Variants in ELMO1 observed in about 807,000 individuals in gnomAD.
ELMO1 encodes engulfment and cell motility protein 1.
In ELMO1, 26 loss-of-function variants were observed where a neutral mutation model predicts 98.9. The observed-to-expected ratio is 0.26, with a 90% CI of 0.19 to 0.36. ELMO1 has a LOEUF of 0.36. Ranked by LOEUF, ELMO1 falls within the 10% of genes least tolerant of loss-of-function variation. ELMO1 has a pLI of 1.00. For missense variants in ELMO1, 627 were observed against 935.2 expected, an observed-to-expected ratio of 0.67 and a Z score of 4.30; for synonymous variants, 346 against 346.0, an observed-to-expected ratio of 1.00 and a Z score of 0.00.
chr7:36,867,942 A>C (rs1270587003), intron 20 of ELMO1, among the ~76,000 whole-genome samples: 1 of 152,062 alleles, frequency 6.6e-6, no homozygotes, highest in Non-Finnish European at 1.5e-5. Context: ...TATCTTGGTG[A>C]ATGTTTCCTT....
intron 1 of ELMO1, among the ~76,000 whole-genome samples, chr7:37,344,143 C>T (rs964325105): frequency 4.0e-5 from 6 of 149,788 alleles, no homozygotes; most frequent in African/African-American, 1.5e-4. Flanking sequence ...GCGATTCTCC[C>T]GTCTCAGCTT....
At chr7:36,876,260 G>A (rs975948871) in intron 19 of ELMO1, among the ~76,000 whole-genome samples, 2 of 151,992 alleles carry the variant, frequency 1.3e-5, no homozygotes, top group South Asian at 2.1e-4. Flanking sequence ...TTTTCAGAGG[G>A]CTAATTTAGT....
intron 16 of ELMO1, among the ~76,000 whole-genome samples, chr7:36,950,894 C>T (rs892980681): frequency 3.9e-5 from 6 of 152,250 alleles, no homozygotes; most frequent in Non-Finnish European, 5.9e-5. Flanking sequence ...GCCGAGAGGG[C>T]GTGTCTGCTT....
chr7:36,938,396 A>G (rs184857705), intron 16 of ELMO1, among the ~76,000 whole-genome samples: 3 of 152,384 alleles, frequency 2.0e-5, no homozygotes, highest in Admixed American at 2.0e-4. Context: ...GATTGTACTT[A>G]GATAACTTCA....
intron 1 of ELMO1, among the ~76,000 whole-genome samples, chr7:37,442,985 T>C (rs911096539): frequency 6.6e-6 from 1 of 152,210 alleles, no homozygotes; most frequent in Non-Finnish European, 1.5e-5. Context: ...GCTTGTGACA[T>C]TTCATTCCTC....
In ELMO1 at chr7:36,853,758, T is replaced by TG. The variant is rs1259579321; in HGVS notation, c.*1792dup. On this transcript the variant is annotated 3_prime_UTR_variant, in exon 22 of 22. Transcript: ENST00000310758. ...CACAGCTTGTGCTGTGAGGCCAGAG[T>TG]GGCTGGTGCTGTGCCACGCTTAATA... Among the ~76,000 whole-genome samples the TG allele has an allele frequency of 2.5e-4, 38 of 152,246 alleles. No individual in the cohort carries two copies. The highest frequency in any genetic ancestry group is 8.9e-4 in the African/African-American group (37 of 41,540).
At chr7:37,383,653 A>G (rs552001359) in intron 1 of ELMO1, among the ~76,000 whole-genome samples, 1 of 152,314 alleles carries the variant, frequency 6.6e-6, no homozygotes, top group East Asian at 1.9e-4. Context: ...AGTTCTGCCC[A>G]TTTAATTATT....
intron 16 of ELMO1, among the ~76,000 whole-genome samples, chr7:36,968,272 T>C (rs1789615888): frequency 6.6e-6 from 1 of 152,234 alleles, no homozygotes; most frequent in Admixed American, 6.5e-5. Flanking sequence ...GAATATTTAT[T>C]CTGCACTTCT....
intron 16 of ELMO1, among the ~76,000 whole-genome samples, chr7:37,009,449 A>T (rs1385503428): frequency 6.6e-6 from 1 of 152,240 alleles, no homozygotes; most frequent in Non-Finnish European, 1.5e-5. Context: ...CCAAGCCCGG[A>T]AGAGCAGACG....
intron 1 of ELMO1, among the ~76,000 whole-genome samples, chr7:37,393,245 C>T (rs1388338134): frequency 6.6e-6 from 1 of 152,010 alleles, no homozygotes; most frequent in East Asian, 1.9e-4. Flanking sequence ...ACTTGCCAAC[C>T]CAGTGGCTCA....
intron 14 of ELMO1, among the ~76,000 whole-genome samples, chr7:37,120,484 C>T (rs1403101232): frequency 6.6e-6 from 1 of 152,258 alleles, no homozygotes; most frequent in Non-Finnish European, 1.5e-5. Flanking sequence ...TCATATCCCA[C>T]GTCTGGCTCA....
chr7:37,070,360 T>C (rs889116382), intron 15 of ELMO1, among the ~76,000 whole-genome samples: 1 of 152,098 alleles, frequency 6.6e-6, no homozygotes, highest in African/African-American at 2.4e-5. Flanking sequence ...CTGGGAAAAA[T>C]TCATATGAAG....
At chr7:37,208,838 G>C (rs1197253027) in intron 13 of ELMO1, among the ~76,000 whole-genome samples, 2 of 152,152 alleles carry the variant, frequency 1.3e-5, no homozygotes, top group Non-Finnish European at 2.9e-5. Flanking sequence ...CCTGGGAGAA[G>C]TTGCAGGGGA....
chr7:37,094,389 C>T (rs1169725105), intron 15 of ELMO1, among the ~76,000 whole-genome samples: 2 of 152,192 alleles, frequency 1.3e-5, no homozygotes, highest in South Asian at 2.1e-4. Flanking sequence ...AAATGGAGTT[C>T]TGCCCTGATT....
chr7:37,137,453 A>C (rs1426648350), intron 13 of ELMO1, among the ~76,000 whole-genome samples: 2 of 152,210 alleles, frequency 1.3e-5, no homozygotes, highest in Non-Finnish European at 2.9e-5. Context: ...CATTCTACCC[A>C]ACAACTGCAG....
intron 16 of ELMO1, among the ~76,000 whole-genome samples, chr7:36,926,459 C>A (rs1452467279): frequency 6.6e-6 from 1 of 152,100 alleles, no homozygotes; most frequent in Non-Finnish European, 1.5e-5. Context: ...CAAATTAGTT[C>A]TTTGTGCGAC....
At chr7:36,989,527 C>T (rs1430367685) in intron 16 of ELMO1, among the ~76,000 whole-genome samples, 1 of 152,116 alleles carries the variant, frequency 6.6e-6, no homozygotes, top group African/African-American at 2.4e-5. Context: ...GAGAAGACTA[C>T]CTCAAAATTA....
intron 10 of ELMO1, among the ~76,000 whole-genome samples, chr7:37,218,937 A>G (rs139328109): frequency 6.3e-4 from 96 of 152,386 alleles, no homozygotes; most frequent in African/African-American, 2.2e-3. Flanking sequence ...TATCAAAAGT[A>G]TAAGTATTTG....
chr7:37,250,307 A>G (rs1795273169), intron 6 of ELMO1, among the ~76,000 whole-genome samples: 1 of 152,202 alleles, frequency 6.6e-6, no homozygotes. Flanking sequence ...TAGGTACAAA[A>G]AGCAGGTTAT....
Sources: allele counts gnomAD v4.1 joint callset (sites outside exome capture counted in the v4.1 genomes callset), GRCh38; gene constraint gnomAD v4.1.1; transcripts MANE v1.5; gene names NCBI Gene and HGNC (gene_info 2026-07-23, HGNC 2026-07-21).